Variants in NR3C2 observed in about 807,000 individuals in gnomAD.
NR3C2 encodes nuclear receptor subfamily 3 group C member 2.
In NR3C2, 15 loss-of-function variants were observed where a neutral mutation model predicts 86.4. The ratio of observed to expected loss-of-function variants is 0.17; its 90% CI spans 0.12 to 0.27. The LOEUF (loss-of-function observed/expected upper bound fraction) is 0.27. Ranked by LOEUF, NR3C2 falls within the 10% of genes least tolerant of loss-of-function variation. The probability of loss-of-function intolerance (pLI) is 1.00; values close to 1 mark genes in which losing one functional copy is unlikely to be tolerated. For missense variants in NR3C2, 960 were observed against 1,195.6 expected (o/e 0.80, Z 2.91); for synonymous variants, 458 against 450.5 (o/e 1.02, Z -0.21).
intron 6 of NR3C2, among the ~76,000 whole-genome samples, chr4:148,122,592 C>T (rs1732557860): frequency 6.6e-6 from 1 of 152,218 alleles, no homozygotes; most frequent in South Asian, 2.1e-4. Flanking sequence ...CTTCCTCCTT[C>T]TCTTCCTTTC....
At chr4:148,143,340 G>C (rs1469646828) in intron 6 of NR3C2, among the ~76,000 whole-genome samples, 1 of 152,168 alleles carries the variant, frequency 6.6e-6, no homozygotes, top group Non-Finnish European at 1.5e-5. Flanking sequence ...TTTTGCTGTT[G>C]TCATATACAA....
chr4:148,268,624 G>C (rs1740516127), intron 2 of NR3C2, among the ~76,000 whole-genome samples: 1 of 152,190 alleles, frequency 6.6e-6, no homozygotes, highest in South Asian at 2.1e-4. Flanking sequence ...ACTGGTGCAA[G>C]ATAAAATTGG....
In NR3C2 at chr4:148,154,882, C is replaced by T. The variant is rs1323842157; in HGVS notation, c.2034G>A (p.Leu678=). Residue 678 remains leucine (L), a synonymous_variant, in exon 5 of 9, where the codon TTG becomes TTA. Coordinates refer to ENST00000358102, the MANE Select transcript of NR3C2 (RefSeq NM_000901.5). The part of the protein sequence containing the change: ...MNLGARKSKK[L]GKLKGIHEEQ... Reference sequence around the variant, plus strand: ...CCTCGTGAATCCCTTTTAACTTTCCCAACTTCTTTGACTTTCGTGCTATAA... The same window carrying T: ...CCTCGTGAATCCCTTTTAACTTTCCTAACTTCTTTGACTTTCGTGCTATAA... 1 of 1,565,244 alleles carries T rather than the reference C, an allele frequency of 6.4e-7. No homozygotes were observed. The highest frequency in any genetic ancestry group is 1.2e-5 in the South Asian group (1 of 85,416).
intron 2 of NR3C2, among the ~76,000 whole-genome samples, chr4:148,302,627 T>C (rs1561028730): frequency 6.6e-6 from 1 of 152,074 alleles, no homozygotes; most frequent in Non-Finnish European, 1.5e-5. Flanking sequence ...CAAGCTCAAC[T>C]TGAAAAGCTG....
intron 2 of NR3C2, among the ~76,000 whole-genome samples, chr4:148,278,170 C>T (rs767801235): frequency 2.6e-5 from 4 of 151,910 alleles, no homozygotes; most frequent in Non-Finnish European, 4.4e-5. Context: ...GGTGTGATCT[C>T]GGATCACTGC....
chr4:148,437,466 ACT>A (rs1750135181), intron 1 of NR3C2, among the ~76,000 whole-genome samples: 1 of 152,086 alleles, frequency 6.6e-6, no homozygotes, highest in Admixed American at 6.6e-5. Flanking sequence ...TAAAAGTAAG[ACT>A]CTCTTTAGAT....
chr4:148,170,185 C>T (rs1735059780), intron 4 of NR3C2, among the ~76,000 whole-genome samples: 1 of 152,142 alleles, frequency 6.6e-6, no homozygotes, highest in South Asian at 2.1e-4. Context: ...CCAATTGTGA[C>T]AATAAAAAAT....
intron 8 of NR3C2, among the ~76,000 whole-genome samples, chr4:148,111,386 A>T (rs1363164507): frequency 6.6e-6 from 1 of 152,230 alleles, no homozygotes; most frequent in Non-Finnish European, 1.5e-5. Flanking sequence ...GGAACAGTAA[A>T]TTGTTCAACC....
chr4:148,092,931 G>C (rs1731123213), intron 8 of NR3C2, among the ~76,000 whole-genome samples: 1 of 152,228 alleles, frequency 6.6e-6, no homozygotes. Context: ...GGCCTGGCCT[G>C]CTGTCTCAAT....
chr4:148,408,784 AATTG>A (rs1244156730), intron 2 of NR3C2, among the ~76,000 whole-genome samples: 1 of 152,192 alleles, frequency 6.6e-6, no homozygotes, highest in Admixed American at 6.5e-5. Flanking sequence ...TATTTCATCT[AATTG>A]ATCTATTAAT....
At chr4:148,207,702 G>C (rs969789713) in intron 3 of NR3C2, among the ~76,000 whole-genome samples, 1 of 152,104 alleles carries the variant, frequency 6.6e-6, no homozygotes, top group South Asian at 2.1e-4. Context: ...TCTCACAGGG[G>C]CTTATAAAGA....
chr4:148,251,454 T>TGCAA (rs1739573932), intron 3 of NR3C2, among the ~76,000 whole-genome samples: 1 of 152,088 alleles, frequency 6.6e-6, no homozygotes, highest in African/African-American at 2.4e-5. Flanking sequence ...ACACCACGAG[T>TGCAA]GCAAGTTCTC....
chr4:148,287,165 G>A (rs1381745311), intron 2 of NR3C2, among the ~76,000 whole-genome samples: 1 of 152,178 alleles, frequency 6.6e-6, no homozygotes, highest in African/African-American at 2.4e-5. Flanking sequence ...TTTCTCTACT[G>A]TTAACTATTT....
chr4:148,271,346 AG>A lies in NR3C2; in HGVS notation c.1758-11230del, dbSNP rs72655255. 2.1e-3 allele frequency among the ~76,000 whole-genome samples: 327 copies of A among 152,310 alleles called. 1 individual carries two copies. The highest frequency in any genetic ancestry group is 6.4e-3 in the African/African-American group (268 of 41,572). On this transcript the variant is annotated intron_variant, in intron 2 of 8. Transcript: ENST00000358102. ...TGACTTGGCATGACCAGAACAATGA[AG>A]GAATCCTGAGTACTTTCTTTGGGTC...
chr4:148,415,183 G>GA (rs1748931855), intron 2 of NR3C2, among the ~76,000 whole-genome samples: 1 of 152,078 alleles, frequency 6.6e-6, no homozygotes, highest in African/African-American at 2.4e-5. Context: ...GAAAAGAAAA[G>GA]AAAAAGCAAA....
chr4:148,249,851 G>C (rs979748046), intron 3 of NR3C2, among the ~76,000 whole-genome samples: 2 of 152,192 alleles, frequency 1.3e-5, no homozygotes, highest in African/African-American at 4.8e-5. Flanking sequence ...GGGCCAACCT[G>C]AGGGCAAAAT....
At chr4:148,400,897 C>T (rs561964312) in intron 2 of NR3C2, among the ~76,000 whole-genome samples, 28 of 151,914 alleles carry the variant, frequency 1.8e-4, no homozygotes, top group South Asian at 1.0e-3. Flanking sequence ...TTTGGGGAAT[C>T]TCCATCCCAT....
chr4:148,442,553 G>A (rs2126675123), upstream of NR3C2: 1 of 691,724 alleles, frequency 1.4e-6, no homozygotes, highest in East Asian at 1.3e-4. Flanking sequence ...TAAAGTTCAG[G>A]TTGCTATCCC....
Position 148,166,344 on chromosome 4 carries a change from CG to C in NR3C2, c.2015-11444del, listed in dbSNP as rs561206938. ...GTGCCGTCAGGTCTCAGGGCACTGC[CG>C]AGGACCTGGTGGTGGGCAGGGCCAC... is the stretch of plus-strand genomic sequence containing the variant. On this transcript the variant is annotated intron_variant, in intron 4 of 8. Transcript: ENST00000358102. 1.4e-3 allele frequency among the ~76,000 whole-genome samples: 217 copies of C among 152,326 alleles called. 1 individual carries two copies. Among genetic ancestry groups the C allele is most frequent in the Admixed American group, 5.3e-3 (81 of 15,298 alleles).
Sources: allele counts gnomAD v4.1 joint callset (sites outside exome capture counted in the v4.1 genomes callset), GRCh38; gene constraint gnomAD v4.1.1; transcripts MANE v1.5; gene names NCBI Gene and HGNC (gene_info 2026-07-23, HGNC 2026-07-21).